The following LINC02747 variants were observed in gnomAD, a reference collection of about 807,000 sequenced individuals.
LINC02747 encodes long independently transcribed non-coding RNA 2747.
intron 1 of LINC02747, among the ~76,000 whole-genome samples, chr11:69,481,120 C>A (rs981533162): frequency 1.3e-5 from 2 of 152,260 alleles, no homozygotes; most frequent in African/African-American, 4.8e-5. Flanking sequence ...AGCTTCCCTC[C>A]TTCCGTCAGA....
At chr11:69,480,251 C>T (rs1434312690) in intron 1 of LINC02747, among the ~76,000 whole-genome samples, 1 of 152,204 alleles carries the variant, frequency 6.6e-6, no homozygotes, top group Non-Finnish European at 1.5e-5. Context: ...GAGCCAGCAG[C>T]CGGTTCCCAA....
chr11:69,478,568 C>T (rs570267932), intron 1 of LINC02747, among the ~76,000 whole-genome samples: 11 of 152,284 alleles, frequency 7.2e-5, no homozygotes, highest in East Asian at 5.8e-4. Flanking sequence ...TTAGGCTGGG[C>T]GAGGTGGCTC....
At chr11:69,477,842 A>G (rs1857010631) in intron 1 of LINC02747, among the ~76,000 whole-genome samples, 1 of 152,142 alleles carries the variant, frequency 6.6e-6, no homozygotes, top group Non-Finnish European at 1.5e-5. Flanking sequence ...GGCAGCTACG[A>G]GATTCGTGGA....
Position 69,479,825 on chromosome 11 carries a change from C to A in LINC02747, n.120+1601G>T, listed in dbSNP as rs76845433. On this transcript the variant is annotated intron_variant and non_coding_transcript_variant, in intron 1 of 1. Transcript: ENST00000645449. ...CCTGGGGGGCCTGCTCAGAAGGCAGCTCTTTCAGGAAGCCCCTGGCTGGAG... is the reference window on the plus strand; with the variant it reads ...CCTGGGGGGCCTGCTCAGAAGGCAGATCTTTCAGGAAGCCCCTGGCTGGAG... 865 of 152,544 alleles carry A rather than the reference C, an allele frequency of 5.7e-3. 44 individuals are homozygous for A. In the East Asian group the frequency reaches 0.12, roughly 20 times the overall value. 9.4% of individuals were successfully genotyped at this position (152,544 alleles called of 1,614,324 possible). A position where few individuals can be genotyped will look rare whatever the true frequency, so the allele number is the denominator to read the frequency against.
exon 2 of LINC02747, chr11:69,476,694 C>T (rs949404202): frequency 6.6e-6 from 1 of 152,268 alleles, no homozygotes; most frequent in Non-Finnish European, 1.5e-5. Flanking sequence ...GATGATAAAA[C>T]CTGTCCCTCC....
At chr11:69,480,262 C>A (rs1406967423) in intron 1 of LINC02747, among the ~76,000 whole-genome samples, 1 of 152,232 alleles carries the variant, frequency 6.6e-6, no homozygotes, top group Non-Finnish European at 1.5e-5. Context: ...CGGTTCCCAA[C>A]ACTGGCTAGG....
At chr11:69,478,524 T>C (rs148085905) in intron 1 of LINC02747, among the ~76,000 whole-genome samples, 70 of 152,296 alleles carry the variant, frequency 4.6e-4, no homozygotes, top group African/African-American at 1.7e-3. Context: ...TGTTTTAATA[T>C]TTCACAAAGG....
intron 1 of LINC02747, among the ~76,000 whole-genome samples, chr11:69,480,863 G>A (rs1222772219): frequency 1.3e-5 from 2 of 152,200 alleles, no homozygotes; most frequent in Non-Finnish European, 2.9e-5. Flanking sequence ...GGAGGACAGT[G>A]TGAGGTAGCA....
At chr11:69,477,952 C>T (rs1857011799) in intron 1 of LINC02747, among the ~76,000 whole-genome samples, 1 of 152,152 alleles carries the variant, frequency 6.6e-6, no homozygotes, top group Admixed American at 6.5e-5. Flanking sequence ...AGCCCGTGGC[C>T]CCTGTGGTGG....
intron 1 of LINC02747, among the ~76,000 whole-genome samples, chr11:69,477,819 GT>G (rs1244032064): frequency 6.6e-6 from 1 of 152,158 alleles, no homozygotes; most frequent in African/African-American, 2.4e-5. Flanking sequence ...GGGGCAGGAT[GT>G]GGGAACAGCA....
chr11:69,480,592 C>T (rs1427850203), intron 1 of LINC02747, among the ~76,000 whole-genome samples: 1 of 152,230 alleles, frequency 6.6e-6, no homozygotes, highest in African/African-American at 2.4e-5. Context: ...GAGGCAGAGT[C>T]TGCACTCCTC....
intron 1 of LINC02747, among the ~76,000 whole-genome samples, chr11:69,479,020 T>C (rs1040114680): frequency 6.6e-6 from 1 of 152,122 alleles, no homozygotes. Context: ...TTTGGGAGGC[T>C]GAAGCCGGTG....
intron 1 of LINC02747, chr11:69,477,656 C>T (rs1281787311): frequency 6.6e-6 from 1 of 152,158 alleles, no homozygotes; most frequent in Non-Finnish European, 1.5e-5. Flanking sequence ...GATGAAGACC[C>T]TCACCCTGTC....
chr11:69,480,036 C>A (rs1242369300), intron 1 of LINC02747: 1 of 152,286 alleles, frequency 6.6e-6, no homozygotes, highest in African/African-American at 2.4e-5. Flanking sequence ...TCATCAGCCC[C>A]CTTTGGGCAA....
At chr11:69,477,193 G>A (rs1565190182) in exon 2 of LINC02747, 1 of 152,236 alleles carries the variant, frequency 6.6e-6, no homozygotes, top group Non-Finnish European at 1.5e-5. Flanking sequence ...TGTCTCGCTG[G>A]TTCGCAAGCC....
chr11:69,480,678 T>C (rs1857040298), intron 1 of LINC02747, among the ~76,000 whole-genome samples: 1 of 152,204 alleles, frequency 6.6e-6, no homozygotes, highest in Non-Finnish European at 1.5e-5. Context: ...TTCCCTGCTA[T>C]GAATCGTGAA....
At chr11:69,475,868 A>G (rs1029136614) in exon 2 of LINC02747, 1 of 152,226 alleles carries the variant, frequency 6.6e-6, no homozygotes, top group East Asian at 1.9e-4. Context: ...AGGCTTCAAC[A>G]TATGTATTTA....
At chr11:69,479,142 C>T (rs1857024531) in intron 1 of LINC02747, among the ~76,000 whole-genome samples, 1 of 150,244 alleles carries the variant, frequency 6.7e-6, no homozygotes, top group Non-Finnish European at 1.5e-5. Flanking sequence ...GCAATCCCAG[C>T]TACTCGGGAG....
chr11:69,475,798 C>A (rs1264595618), exon 2 of LINC02747: 1 of 152,172 alleles, frequency 6.6e-6, no homozygotes, highest in African/African-American at 2.4e-5. Flanking sequence ...GGGGCCGCAC[C>A]CTCAGGACTC....
Sources: allele counts gnomAD v4.1 joint callset (sites outside exome capture counted in the v4.1 genomes callset), GRCh38; gene constraint gnomAD v4.1.1; transcripts MANE v1.5; gene names NCBI Gene and HGNC (gene_info 2026-07-23, HGNC 2026-07-21).